Variants in CADM2 observed in about 807,000 individuals in gnomAD.
The protein encoded by CADM2 is cell adhesion molecule 2, also known as immunoglobulin superfamily member 4D.
A neutral mutation model predicts 49.8 loss-of-function variants in CADM2; 12 were observed. That is an observed-to-expected ratio of 0.24 (90% CI 0.15 to 0.39). The LOEUF (loss-of-function observed/expected upper bound fraction) is 0.39. Ranked by LOEUF, CADM2 falls within the 10% of genes least tolerant of loss-of-function variation. The probability of loss-of-function intolerance (pLI) is 1.00; values close to 1 mark genes in which losing one functional copy is unlikely to be tolerated. For missense variants in CADM2, 378 were observed against 492.3 expected, an observed-to-expected ratio of 0.77 and a Z score of 2.20; for synonymous variants, 214 against 175.4, an observed-to-expected ratio of 1.22 and a Z score of -1.74.
chr3:85,192,240 A>G (rs2041227151), intron 1 of CADM2, among the ~76,000 whole-genome samples: 1 of 152,074 alleles, frequency 6.6e-6, no homozygotes, highest in Non-Finnish European at 1.5e-5. Flanking sequence ...TCTTTACTGG[A>G]AGATTCTAAT....
At chr3:85,683,590 G>A (rs1254120201) in intron 1 of CADM2, among the ~76,000 whole-genome samples, 1 of 152,066 alleles carries the variant, frequency 6.6e-6, no homozygotes, top group East Asian at 1.9e-4. Context: ...AATGTGACTG[G>A]TTTATTCTTA....
intron 1 of CADM2, among the ~76,000 whole-genome samples, chr3:85,527,155 A>G (rs1427075281): frequency 6.6e-6 from 1 of 152,006 alleles, no homozygotes; most frequent in African/African-American, 2.4e-5. Context: ...GGATGCCAGG[A>G]AAGTAGGATA....
intron 3 of CADM2, among the ~76,000 whole-genome samples, chr3:85,831,854 TG>T (rs1017402008): frequency 4.6e-5 from 7 of 151,080 alleles, no homozygotes; most frequent in African/African-American, 1.7e-4. Flanking sequence ...TGTCAAGTTT[TG>T]TTTTGTTGCA....
intron 1 of CADM2, among the ~76,000 whole-genome samples, chr3:85,611,658 T>G (rs2063685977): frequency 6.6e-6 from 1 of 151,662 alleles, no homozygotes; most frequent in South Asian, 2.1e-4. Context: ...ATAGACCCAC[T>G]GTCCCTGAAC....
chr3:85,115,665 T>C (rs545805483), intron 1 of CADM2, among the ~76,000 whole-genome samples: 69 of 152,338 alleles, frequency 4.5e-4, no homozygotes, highest in African/African-American at 1.6e-3. Context: ...AAGCCCAAAA[T>C]TTTATTATGT....
chr3:85,594,807 G>A (rs1000480175), intron 1 of CADM2, among the ~76,000 whole-genome samples: 1 of 151,980 alleles, frequency 6.6e-6, no homozygotes, highest in African/African-American at 2.4e-5. Context: ...ACATTCTGTT[G>A]TATTTGAAAT....
At chr3:84,973,304 GAA>G (rs1376413697) in intron 1 of CADM2, among the ~76,000 whole-genome samples, 1 of 152,082 alleles carries the variant, frequency 6.6e-6, no homozygotes, top group Admixed American at 6.5e-5. Flanking sequence ...ATGAGGATGT[GAA>G]ATCACTGCTT....
chr3:85,371,758 A>G (rs2033257603), intron 1 of CADM2, among the ~76,000 whole-genome samples: 1 of 146,924 alleles, frequency 6.8e-6, no homozygotes, highest in Non-Finnish European at 1.5e-5. Context: ...GATCTAAAAT[A>G]CAGTATTTAC....
intron 1 of CADM2, among the ~76,000 whole-genome samples, chr3:85,110,013 C>T (rs1415523566): frequency 4.6e-5 from 7 of 151,896 alleles, no homozygotes; most frequent in Admixed American, 2.6e-4. Context: ...AAGTGAATGG[C>T]TATCTACAAT....
At chr3:85,864,046 G>T (rs922125997) in intron 3 of CADM2, among the ~76,000 whole-genome samples, 1 of 152,264 alleles carries the variant, frequency 6.6e-6, no homozygotes, top group South Asian at 2.1e-4. Flanking sequence ...TAGAGACTGG[G>T]ATCTTAGGAC....
intron 1 of CADM2, among the ~76,000 whole-genome samples, chr3:85,117,063 A>G (rs894563643): frequency 1.3e-5 from 2 of 152,034 alleles, no homozygotes; most frequent in Admixed American, 1.3e-4. Context: ...TCTACTAAAA[A>G]TACAGAAATT....
intron 1 of CADM2, among the ~76,000 whole-genome samples, chr3:85,576,837 A>C (rs1381203023): frequency 4.6e-5 from 7 of 152,188 alleles, no homozygotes; most frequent in African/African-American, 1.7e-4. Flanking sequence ...AACCTAGACT[A>C]TACCACCCTC....
At chr3:85,704,376 C>T (rs2066872242) in intron 1 of CADM2, among the ~76,000 whole-genome samples, 1 of 152,148 alleles carries the variant, frequency 6.6e-6, no homozygotes, top group Non-Finnish European at 1.5e-5. Flanking sequence ...GTACAAAAAA[C>T]TGGGTGTCTT....
chr3:85,261,765 G>T (rs1317111245), intron 1 of CADM2, among the ~76,000 whole-genome samples: 1 of 151,936 alleles, frequency 6.6e-6, no homozygotes, highest in Non-Finnish European at 1.5e-5. Flanking sequence ...ACTTACAGAG[G>T]ACCATGCAGG....
At chr3:85,156,222 A>G (rs144554578) in intron 1 of CADM2, among the ~76,000 whole-genome samples, 12,264 of 151,518 alleles carry the variant, frequency 0.081, 1,651 homozygotes, top group African/African-American at 0.28. Flanking sequence ...TTGATAGACC[A>G]CTAGCAAGAC....
chr3:86,012,498 G>C, intron 8 of CADM2: 1 of 1,071,936 alleles, frequency 9.3e-7, no homozygotes, highest in Non-Finnish European at 1.3e-6. Context: ...ACCCGGACCA[G>C]CGGGCGGACT....
chr3:85,736,007 T>C (rs1040654826), intron 2 of CADM2, among the ~76,000 whole-genome samples: 1 of 152,028 alleles, frequency 6.6e-6, no homozygotes, highest in African/African-American at 2.4e-5. Flanking sequence ...CTGAATGAGC[T>C]CATCAAATGC....
At chr3:84,961,365 G>A (rs2030493892) in intron 1 of CADM2, among the ~76,000 whole-genome samples, 1 of 152,064 alleles carries the variant, frequency 6.6e-6, no homozygotes, top group Non-Finnish European at 1.5e-5. Context: ...AAATTTTGGT[G>A]GTACTTTTGT....
At chr3:84,977,939 G>A (rs760891065) in intron 1 of CADM2, among the ~76,000 whole-genome samples, 16 of 152,008 alleles carry the variant, frequency 1.1e-4, no homozygotes, top group East Asian at 1.9e-4. Context: ...TGGGGGAACC[G>A]TATTCCTTAT....
Sources: allele counts gnomAD v4.1 joint callset (sites outside exome capture counted in the v4.1 genomes callset), GRCh38; gene constraint gnomAD v4.1.1; transcripts MANE v1.5; gene names NCBI Gene and HGNC (gene_info 2026-07-23, HGNC 2026-07-21).